NPHP3: variants seen among roughly 807,000 people sequenced by gnomAD.
NPHP3 encodes the protein nephrocystin 3.
Under a neutral mutation model 171.9 loss-of-function variants are expected in NPHP3, and 123 were observed. That is an observed-to-expected ratio of 0.72 (90% CI 0.62 to 0.83). The LOEUF is 0.83. NPHP3 is among the 40% of genes least tolerant of loss of function. The probability of loss-of-function intolerance (pLI) is 0.00; values close to 1 mark genes in which losing one functional copy is unlikely to be tolerated. For missense variants in NPHP3, 1,506 were observed against 1,591.9 expected, an observed-to-expected ratio of 0.95 and a Z score of 0.92; for synonymous variants, 558 against 579.2, an observed-to-expected ratio of 0.96 and a Z score of 0.52.
At chr3:132,706,983 G>T (rs1030440714) in intron 7 of NPHP3, among the ~76,000 whole-genome samples, 5 of 152,090 alleles carry the variant, frequency 3.3e-5, no homozygotes, top group Non-Finnish European at 7.4e-5. Flanking sequence ...CTAAATGATG[G>T]AAAGAAAAAT....
chr3:132,715,742 A>C (rs1302366845), intron 4 of NPHP3, among the ~76,000 whole-genome samples: 1 of 152,250 alleles, frequency 6.6e-6, no homozygotes, highest in African/African-American at 2.4e-5. Context: ...AAGGAAAAAG[A>C]GTAGAACTAC....
At position 132,688,808 on chromosome 3, in the gene NPHP3, GT is replaced by G; in HGVS notation, c.2966del (p.His989ProfsTer3). ...ACTGCACGTATACACTTGCTAGTTG[GT>G]GGAGGGACTGGGCTACTCTTGGGTG... ...PDHPRVAQSL[H>X]QLASVYVQWK... On this transcript the variant is annotated frameshift_variant, in exon 21 of 27. Coordinates refer to ENST00000337331, the MANE Select transcript of NPHP3 (RefSeq NM_153240.5). LOFTEE classifies it high-confidence loss of function. The G allele has an allele frequency of 6.2e-7, 1 of 1,614,078 alleles. No homozygotes were observed. The highest frequency in any genetic ancestry group is 8.5e-7 in the Non-Finnish European group (1 of 1,179,990).
At chr3:132,719,422 A>G (rs535688059) in intron 2 of NPHP3, among the ~76,000 whole-genome samples, 17 of 152,256 alleles carry the variant, frequency 1.1e-4, no homozygotes, top group Admixed American at 1.0e-3. Context: ...CAATAATACA[A>G]CATCCCTAAA....
rs1325479400 is a variant in NPHP3, at chr3:132,689,213, T to C, written c.2744A>G (p.Lys915Arg). ...GAAGTATTCTGTTGCCATTGCACTT[T>C]TGTCTTTGCCAACAAACTGCCAATA... ...LSYWQFVGKD[K>R]SAMATEYFDS... The change falls in exon 20 of 27, where the codon AAA (lysine) becomes AGA (arginine). Residue 915 changes from lysine (K) to arginine (R), a missense_variant. Lys to Arg is a conservative substitution (Grantham distance 26, BLOSUM62 2). Transcript: ENST00000337331. 3.1e-6 allele frequency: 5 copies of C among 1,614,086 alleles called. No homozygotes were observed. In the Admixed American group the frequency reaches 5.0e-5, roughly 16 times the overall value.
rs752254827 is a variant in NPHP3, at chr3:132,691,231, T to C, written c.2531A>G (p.Tyr844Cys). The change falls in exon 18 of 27, where the codon TAC becomes TGC. Residue 844 changes from tyrosine to cysteine, a missense_variant. Around this residue, in one of 3 missense-constraint regions of NPHP3, gnomAD observed 569 missense variants for 648.1 expected, o/e 0.88. Coordinates refer to ENST00000337331, the MANE Select transcript of NPHP3 (RefSeq NM_153240.5). ...YLEGPTVTSSYRQKLINYFTL... is the reference protein window; with the variant it reads ...YLEGPTVTSSCRQKLINYFTL... ...GAAATAGTTGATTAGCTTTTGCCTG[T>C]ATGAAGAAGTAACAGTGGGGCCTTC... 4.3e-6 allele frequency: 7 copies of C among 1,613,356 alleles called. No homozygotes were observed. The East Asian group carries it at 1.6e-4, about 36-fold the overall frequency.
intron 7 of NPHP3, among the ~76,000 whole-genome samples, chr3:132,706,894 A>G (rs1004122967): frequency 2.0e-5 from 3 of 152,220 alleles, no homozygotes; most frequent in Non-Finnish European, 4.4e-5. Flanking sequence ...TCTGGAAATT[A>G]TAATAAAAAT....
chr3:132,696,654 TCA>T (rs765647742), intron 15 of NPHP3, 75 bp downstream of exon 15: 41 of 1,252,694 alleles, frequency 3.3e-5, no homozygotes, highest in Non-Finnish European at 4.8e-5. Context: ...TGATCAGTTC[TCA>T]GTTTTGCAGG....
At chr3:132,689,670 T>C (rs193215457) in intron 19 of NPHP3, among the ~76,000 whole-genome samples, 1 of 152,326 alleles carries the variant, frequency 6.6e-6, no homozygotes, top group East Asian at 1.9e-4. Context: ...CCCAAAATTA[T>C]TTTAAGTATG....
At chr3:132,699,818 C>T (rs1384830510) in intron 12 of NPHP3, 100 bp downstream of exon 12, 2 of 1,297,058 alleles carry the variant, frequency 1.5e-6, no homozygotes, top group African/African-American at 2.9e-5. Context: ...AAAATAACAT[C>T]ATATTTTCTT....
chr3:132,699,811 A>T, intron 12 of NPHP3, 107 bp downstream of exon 12: 1 of 1,256,790 alleles, frequency 8.0e-7, no homozygotes, highest in Non-Finnish European at 1.1e-6. Context: ...AATATAAAAA[A>T]TAACATCATA....
rs114105052 is a variant in NPHP3, at chr3:132,707,667, A to C, written c.1275+434T>G. On this transcript the variant is annotated intron_variant, in intron 7 of 26. Coordinates refer to ENST00000337331, the MANE Select transcript of NPHP3 (RefSeq NM_153240.5). Reference sequence around the variant, plus strand: ...GAAATCCTATTGGCTCTACTGTCAAAATTTACTCAGAATCCTACCACTTCT... The same window carrying C: ...GAAATCCTATTGGCTCTACTGTCAACATTTACTCAGAATCCTACCACTTCT... 5.7e-3 allele frequency among the ~76,000 whole-genome samples: 865 copies of C among 151,294 alleles called. 7 individuals are homozygous for C. The highest frequency in any genetic ancestry group is 0.02 in the African/African-American group (810 of 40,648).
At chr3:132,717,175 A>G (rs938616704) in intron 3 of NPHP3, 6 of 399,058 alleles carry the variant, frequency 1.5e-5, no homozygotes, top group Non-Finnish European at 1.4e-5. Context: ...AGAAATCATA[A>G]TAAGAAGGAA....
intron 6 of NPHP3, among the ~76,000 whole-genome samples, chr3:132,710,326 A>C (rs1939874789): frequency 1.3e-5 from 2 of 151,790 alleles, no homozygotes; most frequent in African/African-American, 4.9e-5. Context: ...TTCTATAACG[A>C]AACTCTATAG....
chr3:132,698,566 C>T (rs1043865428), intron 13 of NPHP3, among the ~76,000 whole-genome samples: 1 of 152,100 alleles, frequency 6.6e-6, no homozygotes, highest in Non-Finnish European at 1.5e-5. Flanking sequence ...TGTGAGCTAC[C>T]ATGCCCGGCC....
At position 132,687,202 on chromosome 3, in the gene NPHP3, CCTAAAATGTTCAG is replaced by C. The variant is rs1295893611; in HGVS notation, c.3137_3149del (p.Ala1046GlyfsTer12). The C allele has an allele frequency of 6.9e-7, 1 of 1,446,176 alleles. No individual in the cohort carries two copies. The highest frequency in any genetic ancestry group is 1.4e-5 in the African/African-American group (1 of 71,446). 89.6% of individuals were successfully genotyped at this position (1,446,176 alleles called of 1,614,324 possible). A position where few individuals can be genotyped will look rare whatever the true frequency, so the allele number is the denominator to read the frequency against. ...TCTGATGAATTTTAAAGGATTTTTT[CCTAAAATGTTCAG>C]CTTGTTCATATCTTAAAAAAAAATT... On this transcript the variant is annotated frameshift_variant, in exon 22 of 27. Transcript: ENST00000337331. LOFTEE classifies it high-confidence loss of function.
chr3:132,717,116 G>A, intron 3 of NPHP3: 2 of 527,762 alleles, frequency 3.8e-6, no homozygotes, highest in South Asian at 2.5e-5. Flanking sequence ...CAAATTCAAA[G>A]AGAGGATTAA....
intron 6 of NPHP3, among the ~76,000 whole-genome samples, chr3:132,710,357 A>AG (rs1420420683): frequency 6.6e-6 from 1 of 152,212 alleles, no homozygotes; most frequent in South Asian, 2.1e-4. Flanking sequence ...AAAAAAAAAA[A>AG]AAAAGCTGAA....
intron 8 of NPHP3, among the ~76,000 whole-genome samples, 187 bp from the exon 9 acceptor site, chr3:132,704,558 T>C (rs557259074): frequency 1.3e-5 from 2 of 152,014 alleles, no homozygotes; most frequent in South Asian, 4.2e-4. Context: ...AACAAAGAAA[T>C]AAAAATATTA....
chr3:132,720,752 G>C (rs190978233), intron 1 of NPHP3, among the ~76,000 whole-genome samples: 1 of 150,328 alleles, frequency 6.7e-6, no homozygotes, highest in Non-Finnish European at 1.5e-5. Flanking sequence ...TCAGTCTGAG[G>C]TATTTATTTC....
Sources: gnomAD v4.1 joint callset for allele counts (sites outside exome capture counted in the v4.1 genomes callset) on GRCh38, gnomAD v4.1.1 for gene constraint, gnomAD v4.1.1 regional missense constraint, MANE v1.5 for transcripts, NCBI Gene and HGNC (gene_info 2026-07-23, HGNC 2026-07-21) for gene names.